Variants in ZNF541 observed in about 807,000 individuals in gnomAD.
ZNF541 encodes zinc finger protein 541.
In ZNF541, 23 loss-of-function variants were observed where a neutral mutation model predicts 123.5. That is an observed-to-expected ratio of 0.19 (90% CI 0.13 to 0.26). ZNF541 has a LOEUF of 0.26. Among genes scored for constraint, ZNF541 ranks in the 10% least tolerant of loss-of-function variants. The pLI is 1.00. For synonymous variants in ZNF541, 751 were observed against 754.5 expected (o/e 1.00, Z 0.08); for missense variants, 1,612 against 1,789.9 (o/e 0.90, Z 1.79).
chr19:47,547,791 A>C (rs941559246), intron 4 of ZNF541, among the ~76,000 whole-genome samples: 2 of 152,144 alleles, frequency 1.3e-5, no homozygotes, highest in Non-Finnish European at 2.9e-5. Flanking sequence ...ATCATTTCCA[A>C]GACATTAAGC....
In ZNF541 at chr19:47,545,664, A is replaced by AAGG. The variant is rs1970316640; in HGVS notation, c.862_864dup (p.Pro288dup). ...GCCCCCGCCGGGGCTGGGCCAGGAG[A>AAGG]AGGGGTCTTCTGGTGGACGATGCTA... is the stretch of plus-strand genomic sequence containing the variant. On this transcript the variant is annotated inframe_insertion, in exon 5 of 17. Transcript: ENST00000391901. This position sits in a 1 kb window ranked among gnomAD's most constrained non-coding sequence, Gnocchi z 7.5. 2 of 1,548,884 alleles carry AAGG rather than the reference A, an allele frequency of 1.3e-6. No homozygotes were observed. The highest frequency in any genetic ancestry group is 1.7e-6 in the Non-Finnish European group (2 of 1,146,670).
chr19:47,528,034 G>C (rs1969382815), intron 14 of ZNF541, among the ~76,000 whole-genome samples: 1 of 139,860 alleles, frequency 7.2e-6, no homozygotes, highest in South Asian at 2.4e-4. Context: ...AGAGTCCTGG[G>C]CCGGGCGCCG....
chr19:47,531,819 A>C, intron 11 of ZNF541, 74 bp from the exon 12 acceptor site: 1 of 1,330,116 alleles, frequency 7.5e-7, no homozygotes, highest in African/African-American at 1.5e-5. Context: ...CCTTTCCCGA[A>C]AGACAGCAGA....
intron 14 of ZNF541, 92 bp from the exon 15 acceptor site, chr19:47,522,086 C>G: frequency 6.8e-7 from 1 of 1,479,690 alleles, no homozygotes; most frequent in South Asian, 1.2e-5. Flanking sequence ...TTTGGAAAGC[C>G]CTCCGGAAGC....
At chr19:47,560,580 A>G (rs1255169353) in intron 2 of ZNF541, among the ~76,000 whole-genome samples, 1 of 150,692 alleles carries the variant, frequency 6.6e-6, no homozygotes, top group African/African-American at 2.4e-5. Context: ...CTGTCCCAAA[A>G]AAAAAAAAAA....
Position 47,529,638 on chromosome 19 carries a change from A to T in ZNF541, c.3420T>A (p.Thr1140=). Residue 1140 remains threonine (T), a synonymous_variant, in exon 13 of 17, where the codon ACT becomes ACA. Coordinates refer to ENST00000391901, the MANE Select transcript of ZNF541 (RefSeq NM_001277075.3). ...AQGNVQVALE[T]LLLRGPHKPR... ...GCTTGTGGGGCCCTCGGAGCAGAAGAGTCTCCAGGGCGACCTGGAACAAGA... is the reference window on the plus strand; with the variant it reads ...GCTTGTGGGGCCCTCGGAGCAGAAGTGTCTCCAGGGCGACCTGGAACAAGA... The T allele has an allele frequency of 1.3e-6, 2 of 1,551,668 alleles. No individual in the cohort carries two copies. The highest frequency in any genetic ancestry group is 1.7e-6 in the Non-Finnish European group (2 of 1,146,982).
intron 9 of ZNF541, among the ~76,000 whole-genome samples, chr19:47,536,859 A>G (rs28788618): frequency 0.014 from 2,110 of 152,320 alleles, 32 homozygotes; most frequent in Middle Eastern, 0.054. Context: ...TGATAAATAA[A>G]CAAAATGGGG....
chr19:47,521,826 G>A lies in ZNF541; in HGVS notation c.3711+28C>T. On this transcript the variant is annotated intron_variant, in intron 15 of 16. Transcript: ENST00000391901. The surrounding 1 kb of genome is among the most constrained non-coding windows in gnomAD (Gnocchi z 4.2). ...TAGCAGGCACTGGGAGGAGAGAAGA[G>A]CTCCCGACACAGCCCTGGTTCCTCT... The A allele has an allele frequency of 6.5e-7, 1 of 1,547,568 alleles. No individual in the cohort carries two copies. Among genetic ancestry groups the A allele is most frequent in the Non-Finnish European group, 8.7e-7 (1 of 1,144,378 alleles).
At chr19:47,532,564 C>T (rs556859498) in intron 10 of ZNF541, among the ~76,000 whole-genome samples, 2 of 152,236 alleles carry the variant, frequency 1.3e-5, no homozygotes, top group Admixed American at 6.5e-5. Context: ...TACGTCCACA[C>T]CACAGCCATC....
rs371150379 is a variant in ZNF541 at position 47,569,671 on chromosome 19, C to T, written c.-99+2225G>A. On this transcript the variant is annotated intron_variant, in intron 2 of 16. Coordinates refer to ENST00000391901, the MANE Select transcript of ZNF541 (RefSeq NM_001277075.3). ...TGAGTCCAGGAGTTCAAGACCAGCC[C>T]GGGCAACAAAGTGAGATCCCCGCCG... 9.2e-5 allele frequency among the ~76,000 whole-genome samples: 14 copies of T among 151,690 alleles called. No individual in the cohort carries two copies. In the East Asian group the frequency reaches 2.1e-3, roughly 23 times the overall value.
rs143960689 is a variant in ZNF541 at position 47,562,271 on chromosome 19, C to T, written c.-98-6317G>A. Among the ~76,000 whole-genome samples, 698 of 151,014 alleles carry T rather than the reference C, an allele frequency of 4.6e-3. 8 individuals are homozygous for T. The highest frequency in any genetic ancestry group is 0.016 in the African/African-American group (673 of 41,012). Reference sequence around the variant, plus strand: ...AAAAAAAACAAAAACAGGCCAGGCGCGCTGGCTCATGCCTGTAACCCCTGC... The same window carrying T: ...AAAAAAAACAAAAACAGGCCAGGCGTGCTGGCTCATGCCTGTAACCCCTGC... On this transcript the variant is annotated intron_variant, in intron 2 of 16. Transcript: ENST00000391901.
chr19:47,552,076 T>C (rs1201663880), intron 3 of ZNF541, among the ~76,000 whole-genome samples: 1 of 151,950 alleles, frequency 6.6e-6, no homozygotes, highest in Non-Finnish European at 1.5e-5. Flanking sequence ...CAGGCTAGTC[T>C]CAAACTTCTG....
intron 2 of ZNF541, among the ~76,000 whole-genome samples, chr19:47,558,300 C>T (rs1320369823): frequency 6.6e-6 from 1 of 151,810 alleles, no homozygotes; most frequent in Non-Finnish European, 1.5e-5. Flanking sequence ...CCTGTAGTCC[C>T]AGCTACTCGG....
At position 47,552,711 on chromosome 19, in the gene ZNF541, C is replaced by G. The variant is rs1970650691; in HGVS notation, c.307+2839G>C. On this transcript the variant is annotated intron_variant, in intron 3 of 16. Coordinates refer to ENST00000391901, the MANE Select transcript of ZNF541 (RefSeq NM_001277075.3). ...TGAGCCGAGATCGCACCACTGCACT[C>G]TAGCCTGGGCGATAGAGCGAGACTC... Among the ~76,000 whole-genome samples, 3 of 108,496 alleles carry G rather than the reference C, an allele frequency of 2.8e-5. No homozygotes were observed. The Admixed American group carries it at 4.5e-4, about 16-fold the overall frequency. The allele number at this position is 108,496 out of a possible 152,430, so 71.2% of individuals were successfully genotyped here.
intron 5 of ZNF541, among the ~76,000 whole-genome samples, chr19:47,543,550 C>G (rs1282721310): frequency 6.7e-6 from 1 of 148,196 alleles, no homozygotes; most frequent in Non-Finnish European, 1.5e-5. Context: ...TCTAAAAAGG[C>G]AAATCCAAAG....
chr19:47,541,024 T>G, intron 5 of ZNF541, 73 bp from the exon 6 acceptor site: 1 of 1,413,220 alleles, frequency 7.1e-7, no homozygotes, highest in Admixed American at 2.2e-5. Context: ...TACAGACTTT[T>G]AGAAGAAAAC....
chr19:47,525,917 CAAAAAAAAAA>C (rs34123668), intron 14 of ZNF541, among the ~76,000 whole-genome samples: 1 of 57,606 alleles, frequency 1.7e-5, no homozygotes, highest in Admixed American at 1.9e-4. Context: ...CTCCGTCTCA[CAAAAAAAAAA>C]AAAAAAAAAA....
chr19:47,529,323 C>T (rs1275141910), intron 13 of ZNF541, among the ~76,000 whole-genome samples: 1 of 152,168 alleles, frequency 6.6e-6, no homozygotes, highest in African/African-American at 2.4e-5. Flanking sequence ...CCCATCTTCC[C>T]TCCCCCTGGC....
At chr19:47,546,244 ATGC>A (rs2123169313) in intron 4 of ZNF541, among the ~76,000 whole-genome samples, 1 of 151,072 alleles carries the variant, frequency 6.6e-6, no homozygotes, top group South Asian at 2.1e-4. Context: ...ACAGTGGCTC[ATGC>A]CTGTAATCCC....
Sources: allele counts gnomAD v4.1 joint callset (sites outside exome capture counted in the v4.1 genomes callset), GRCh38; gene constraint gnomAD v4.1.1; non-coding constraint Gnocchi (gnomAD v3.1); transcripts MANE v1.5; gene names NCBI Gene and HGNC (gene_info 2026-07-23, HGNC 2026-07-21).